The following PTPRD variants were observed in gnomAD, a reference collection of about 807,000 sequenced individuals.
The protein encoded by PTPRD is receptor-type tyrosine-protein phosphatase delta.
In PTPRD, 34 loss-of-function variants were observed where a neutral mutation model predicts 214.5. That is an observed-to-expected ratio of 0.16 (90% CI 0.12 to 0.21). The LOEUF (loss-of-function observed/expected upper bound fraction) is 0.21. Among genes scored for constraint, PTPRD ranks in the 10% least tolerant of loss-of-function variants. The pLI is 1.00. For synonymous variants in PTPRD, 1,128 were observed against 845.7 expected (o/e 1.33, Z -5.79); for missense variants, 2,545 against 2,398.7 (o/e 1.06, Z -1.27).
At chr9:9,918,359 A>G (rs555897168) in intron 5 of PTPRD, among the ~76,000 whole-genome samples, 1 of 150,330 alleles carries the variant, frequency 6.7e-6, no homozygotes, top group African/African-American at 2.4e-5. Context: ...GGTAAAAAAA[A>G]AAAAAAAAAA....
intron 12 of PTPRD, among the ~76,000 whole-genome samples, chr9:8,649,268 G>A (rs188611197): frequency 7.9e-5 from 12 of 152,218 alleles, no homozygotes; most frequent in African/African-American, 2.9e-4. Flanking sequence ...ATCTGCTGGT[G>A]TCACTGTATG....
intron 9 of PTPRD, among the ~76,000 whole-genome samples, chr9:9,392,218 C>G (rs2066090985): frequency 6.6e-6 from 1 of 152,148 alleles, no homozygotes; most frequent in South Asian, 2.1e-4. Context: ...ACATTGATGA[C>G]CGCAGTGTAA....
chr9:10,052,825 T>A (rs1457080163), intron 3 of PTPRD, among the ~76,000 whole-genome samples: 1 of 152,156 alleles, frequency 6.6e-6, no homozygotes, highest in Admixed American at 6.6e-5. Context: ...CTTTTTACCT[T>A]TCCCTCTCTA....
At chr9:8,865,403 T>C (rs1404549139) in intron 11 of PTPRD, among the ~76,000 whole-genome samples, 1 of 152,090 alleles carries the variant, frequency 6.6e-6, no homozygotes, top group Non-Finnish European at 1.5e-5. Context: ...AGGCATTTCA[T>C]AAATATTTCA....
intron 5 of PTPRD, among the ~76,000 whole-genome samples, chr9:9,890,093 A>G (rs946152142): frequency 3.9e-5 from 6 of 152,074 alleles, no homozygotes; most frequent in African/African-American, 1.4e-4. Context: ...TGGGTGCTCT[A>G]TGTTAGCCTT....
intron 2 of PTPRD, among the ~76,000 whole-genome samples, chr9:10,383,468 C>G (rs2097857524): frequency 6.6e-6 from 1 of 151,800 alleles, no homozygotes; most frequent in African/African-American, 2.4e-5. Flanking sequence ...ATGCATGGAA[C>G]TAATGTGGTT....
intron 11 of PTPRD, among the ~76,000 whole-genome samples, chr9:8,936,738 A>C (rs2099000692): frequency 6.6e-6 from 1 of 152,154 alleles, no homozygotes; most frequent in Non-Finnish European, 1.5e-5. Flanking sequence ...TCTACCACTG[A>C]GTGATTCTGT....
intron 7 of PTPRD, among the ~76,000 whole-genome samples, chr9:9,613,542 A>T (rs1161665795): frequency 6.6e-6 from 1 of 152,104 alleles, no homozygotes; most frequent in African/African-American, 2.4e-5. Context: ...CTTCTTTTAG[A>T]GCCAAGAAGT....
At chr9:9,531,131 T>C (rs2075367586) in intron 8 of PTPRD, among the ~76,000 whole-genome samples, 1 of 152,074 alleles carries the variant, frequency 6.6e-6, no homozygotes. Flanking sequence ...CTGCAACAAA[T>C]CCTCATATGT....
rs1017535707 is a variant in PTPRD, at chr9:8,316,018, T to C, written c.*1856A>G. On this transcript the variant is annotated 3_prime_UTR_variant, in exon 46 of 46. Coordinates refer to ENST00000381196, the MANE Select transcript of PTPRD (RefSeq NM_002839.4). ...ATATATTCCAAAGTTGCCAATGATA[T>C]TTGTTACTAAAATAAGTTTGGTGCA... 5.7e-5 allele frequency: 13 copies of C among 228,078 alleles called. No individual in the cohort carries two copies. Among genetic ancestry groups the C allele is most frequent in the African/African-American group, 2.4e-4 (11 of 45,034 alleles). 14.1% of individuals were successfully genotyped at this position (228,078 alleles called of 1,614,324 possible).
At chr9:8,485,117 G>C (rs1016634655) in intron 29 of PTPRD, 110 bp downstream of exon 29, 26 of 789,002 alleles carry the variant, frequency 3.3e-5, no homozygotes, top group Non-Finnish European at 5.2e-5. Context: ...AAAATAGCAA[G>C]GACACGTGGC....
chr9:9,152,944 C>T (rs1050731904), intron 10 of PTPRD, among the ~76,000 whole-genome samples: 2 of 152,160 alleles, frequency 1.3e-5, no homozygotes, highest in African/African-American at 4.8e-5. Flanking sequence ...TACTGACACA[C>T]ATTTACATCC....
intron 11 of PTPRD, among the ~76,000 whole-genome samples, chr9:8,998,758 C>T (rs919947460): frequency 1.3e-5 from 2 of 152,004 alleles, no homozygotes; most frequent in Non-Finnish European, 2.9e-5. Context: ...GGAAAGTATT[C>T]ACTAGTCTAC....
At chr9:10,608,380 A>T (rs2080052629) in intron 2 of PTPRD, among the ~76,000 whole-genome samples, 1 of 151,914 alleles carries the variant, frequency 6.6e-6, no homozygotes, top group African/African-American at 2.4e-5. Flanking sequence ...TCCCTTCCAT[A>T]ATCTCCATCC....
chr9:9,460,551 A>G (rs756250720), intron 8 of PTPRD, among the ~76,000 whole-genome samples: 4 of 152,122 alleles, frequency 2.6e-5, no homozygotes, highest in Non-Finnish European at 5.9e-5. Flanking sequence ...AAAAGGACAT[A>G]AAAATGGCAG....
At chr9:8,947,482 A>T (rs1291146612) in intron 11 of PTPRD, among the ~76,000 whole-genome samples, 2 of 151,598 alleles carry the variant, frequency 1.3e-5, no homozygotes, top group African/African-American at 4.8e-5. Flanking sequence ...AAAAAAAAGA[A>T]AAAAGAAAAA....
At chr9:10,179,103 T>C (rs1430230212) in intron 3 of PTPRD, among the ~76,000 whole-genome samples, 1 of 151,978 alleles carries the variant, frequency 6.6e-6, no homozygotes, top group East Asian at 1.9e-4. Context: ...ATGGTCATAA[T>C]TTTCAAAAAG....
chr9:10,341,160 G>T (rs1353231003), intron 2 of PTPRD, 143 bp from the exon 3 acceptor site: 1 of 151,882 alleles, frequency 6.6e-6, no homozygotes, highest in East Asian at 1.9e-4. Flanking sequence ...ATAATACAAG[G>T]AGAAAATCTA....
intron 11 of PTPRD, among the ~76,000 whole-genome samples, chr9:8,765,243 G>A (rs1209112717): frequency 6.6e-6 from 1 of 152,192 alleles, no homozygotes; most frequent in East Asian, 1.9e-4. Flanking sequence ...CCCCTTGACT[G>A]TGGGCTAGAC....
Sources: gnomAD v4.1 joint callset for allele counts (sites outside exome capture counted in the v4.1 genomes callset) on GRCh38, gnomAD v4.1.1 for gene constraint, MANE v1.5 for transcripts, NCBI Gene and HGNC (gene_info 2026-07-23, HGNC 2026-07-21) for gene names.